PHLDB2: variants seen among roughly 807,000 people sequenced by gnomAD.
PHLDB2 encodes pleckstrin homology-like domain family B member 2.
In PHLDB2, 71 loss-of-function variants were observed where a neutral mutation model predicts 123.6. The ratio of observed to expected loss-of-function variants is 0.57; its 90% CI spans 0.47 to 0.70. The LOEUF (loss-of-function observed/expected upper bound fraction) is 0.70. Among genes scored for constraint, PHLDB2 ranks in the 30% least tolerant of loss-of-function variants. The pLI, the probability that PHLDB2 is intolerant of heterozygous loss-of-function variation, is 0.00. For missense variants in PHLDB2, 1,446 were observed against 1,519.5 expected (o/e 0.95, Z 0.80); for synonymous variants, 547 against 541.6 (o/e 1.01, Z -0.14).
chr3:111,969,205 C>A (rs1351310628), intron 15 of PHLDB2, among the ~76,000 whole-genome samples: 1 of 152,142 alleles, frequency 6.6e-6, no homozygotes, highest in African/African-American at 2.4e-5. Flanking sequence ...CTGACAAGTA[C>A]AGCTTTGTGG....
chr3:111,791,489 T>C (rs1269125754), intron 1 of PHLDB2, among the ~76,000 whole-genome samples: 1 of 152,240 alleles, frequency 6.6e-6, no homozygotes, highest in Non-Finnish European at 1.5e-5. Flanking sequence ...TGTCACGGGG[T>C]AGATAAATGC....
intron 1 of PHLDB2, among the ~76,000 whole-genome samples, chr3:111,764,294 T>C (rs374830868): frequency 4.7e-4 from 71 of 152,336 alleles, no homozygotes; most frequent in South Asian, 2.7e-3. Flanking sequence ...ATCCATTAAG[T>C]AAGTTTCTCC....
At chr3:111,880,394 A>G (rs2107310822) in intron 1 of PHLDB2, among the ~76,000 whole-genome samples, 1 of 152,308 alleles carries the variant, frequency 6.6e-6, no homozygotes, top group South Asian at 2.1e-4. Flanking sequence ...TAATGTCAAA[A>G]GAACTTTAAA....
chr3:111,787,436 G>C (rs2060731762), intron 1 of PHLDB2, among the ~76,000 whole-genome samples: 1 of 152,002 alleles, frequency 6.6e-6, no homozygotes, highest in South Asian at 2.1e-4. Context: ...TTTTGCACTT[G>C]GGTTTCAAAT....
intron 2 of PHLDB2, among the ~76,000 whole-genome samples, chr3:111,851,467 G>C (rs1026902531): frequency 6.6e-6 from 1 of 152,098 alleles, no homozygotes; most frequent in Non-Finnish European, 1.5e-5. Flanking sequence ...AAAGGAAAAG[G>C]GCAGTCAGGA....
Position 111,867,999 on chromosome 3 carries a change from C to T in PHLDB2, c.-15+8423C>T, listed in dbSNP as rs571580234. Among the ~76,000 whole-genome samples, 8 of 150,918 alleles carry T rather than the reference C, an allele frequency of 5.3e-5. No homozygotes were observed. The South Asian group carries it at 1.1e-3, about 20-fold the overall frequency. On this transcript the variant is annotated intron_variant, in intron 1 of 17. Transcript: ENST00000431670. ...TACAGGCCTGAGCTACTGCTCCCAG[C>T]TCATACTTTTAAAAAAAAATGACAG...
At chr3:111,880,820 G>A (rs2065895861) in intron 1 of PHLDB2, among the ~76,000 whole-genome samples, 1 of 152,106 alleles carries the variant, frequency 6.6e-6, no homozygotes, top group South Asian at 2.1e-4. Context: ...TTTCTCCTCA[G>A]GGAATTTATA....
chr3:111,836,064 G>A (rs1305793196), intron 1 of PHLDB2, among the ~76,000 whole-genome samples: 1 of 152,184 alleles, frequency 6.6e-6, no homozygotes, highest in African/African-American at 2.4e-5. Flanking sequence ...ATCTGCCACA[G>A]CACCTACAGA....
chr3:111,938,872 A>G (rs754415458), intron 6 of PHLDB2, among the ~76,000 whole-genome samples: 1 of 151,560 alleles, frequency 6.6e-6, no homozygotes, highest in Non-Finnish European at 1.5e-5. Flanking sequence ...GTGGAGTGCA[A>G]TGGCACAATC....
intron 5 of PHLDB2, among the ~76,000 whole-genome samples, 196 bp from the exon 6 acceptor site, chr3:111,932,073 G>A (rs538231656): frequency 1.5e-4 from 23 of 152,282 alleles, no homozygotes; most frequent in Admixed American, 9.2e-4. Context: ...CTTTGAGAAT[G>A]CAGAAACCCA....
Position 111,955,144 on chromosome 3 carries a change from G to T in PHLDB2, c.2872+1115G>T, listed in dbSNP as rs932530692. 2.5e-4 allele frequency among the ~76,000 whole-genome samples: 36 copies of T among 145,292 alleles called. 1 individual carries two copies. The highest frequency in any genetic ancestry group is 4.4e-4 in the Non-Finnish European group (29 of 66,644). Reference sequence around the variant, plus strand: ...TAATGTGTATTGTGTATGTATATATGATATATATATATATATCTCTCACTG... The same window carrying T: ...TAATGTGTATTGTGTATGTATATATTATATATATATATATATCTCTCACTG... On this transcript the variant is annotated intron_variant, in intron 12 of 17. Coordinates refer to ENST00000431670, the MANE Select transcript of PHLDB2 (RefSeq NM_001134438.2).
chr3:111,834,642 A>C (rs1311996870), intron 1 of PHLDB2, among the ~76,000 whole-genome samples: 1 of 151,970 alleles, frequency 6.6e-6, no homozygotes, highest in Non-Finnish European at 1.5e-5. Flanking sequence ...TTTATAAGAC[A>C]AATTTTTAGA....
At chr3:111,812,266 C>T (rs987789505) in intron 1 of PHLDB2, among the ~76,000 whole-genome samples, 8 of 152,088 alleles carry the variant, frequency 5.3e-5, no homozygotes, top group African/African-American at 9.7e-5. Context: ...TCAGTTGATA[C>T]AAATGGAGTT....
chr3:111,863,975 T>C (rs553130254), intron 1 of PHLDB2, among the ~76,000 whole-genome samples: 25 of 152,312 alleles, frequency 1.6e-4, no homozygotes, highest in Admixed American at 1.5e-3. Flanking sequence ...GTGGTAGTTA[T>C]TTTATCTAAT....
chr3:111,934,983 AC>A (rs1344505085), intron 6 of PHLDB2, among the ~76,000 whole-genome samples: 1 of 152,120 alleles, frequency 6.6e-6, no homozygotes, highest in East Asian at 1.9e-4. Flanking sequence ...CCAAAATCAA[AC>A]TTTTATTTGA....
chr3:111,878,697 A>G (rs2065781048), intron 1 of PHLDB2, among the ~76,000 whole-genome samples: 1 of 152,160 alleles, frequency 6.6e-6, no homozygotes, highest in South Asian at 2.1e-4. Context: ...TTTGTTATAA[A>G]TAGCTCTTAT....
chr3:111,898,042 T>C (rs915647965), intron 2 of PHLDB2, among the ~76,000 whole-genome samples: 3 of 152,174 alleles, frequency 2.0e-5, no homozygotes, highest in African/African-American at 7.2e-5. Flanking sequence ...TACTAACAAT[T>C]ATATGAGCCT....
At chr3:111,735,219 A>C (rs1941645818) in intron 1 of PHLDB2, among the ~76,000 whole-genome samples, 1 of 152,182 alleles carries the variant, frequency 6.6e-6, no homozygotes, top group African/African-American at 2.4e-5. Flanking sequence ...TTGGGCACAG[A>C]GAGGCTTAAA....
At chr3:111,737,334 T>C (rs1012363552) in intron 1 of PHLDB2, among the ~76,000 whole-genome samples, 14 of 152,168 alleles carry the variant, frequency 9.2e-5, no homozygotes, top group Non-Finnish European at 2.1e-4. Context: ...TTAGTGTGCA[T>C]CCTCATCATA....
Sources: gnomAD v4.1 joint callset for allele counts (sites outside exome capture counted in the v4.1 genomes callset) on GRCh38, gnomAD v4.1.1 for gene constraint, MANE v1.5 for transcripts, NCBI Gene and HGNC (gene_info 2026-07-23, HGNC 2026-07-21) for gene names.